Variants in NOX5 observed in about 807,000 individuals in gnomAD.
NOX5 encodes the protein NADPH oxidase, EF-hand calcium binding domain 5.
Under a neutral mutation model 85.7 loss-of-function variants are expected in NOX5, and 76 were observed. That is an observed-to-expected ratio of 0.89 (90% CI 0.74 to 1.07). The LOEUF is 1.07. Among genes scored for constraint, NOX5 ranks in the 50% least tolerant of loss-of-function variants. The pLI is 0.00. For synonymous variants in NOX5, 405 were observed against 401.4 expected, an observed-to-expected ratio of 1.01 and a Z score of -0.11; for missense variants, 973 against 999.5, an observed-to-expected ratio of 0.97 and a Z score of 0.36.
intron 10 of NOX5, among the ~76,000 whole-genome samples, chr15:69,044,328 A>G (rs1406010514): frequency 6.6e-6 from 1 of 152,262 alleles, no homozygotes; most frequent in South Asian, 2.1e-4. Context: ...CAACATAGGC[A>G]TAGTCACTGC....
rs375222699 is a variant in NOX5 at position 69,028,233 on chromosome 15, T to C, written c.193T>C (p.Phe65Leu). 14 of 1,609,668 alleles carry C rather than the reference T, an allele frequency of 8.7e-6. No individual in the cohort carries two copies. Among genetic ancestry groups the C allele is most frequent in the Non-Finnish European group, 1.2e-5 (14 of 1,178,004 alleles). Residue 65 changes from phenylalanine to leucine, a missense_variant, in exon 3 of 16, where the codon TTC becomes CTC. Phe to Leu is a conservative substitution (Grantham distance 22). Transcript: ENST00000388866. Reference sequence around the variant, plus strand: ...CCCACAGTCCTTCTTTGCAGAGCGATTCTTTGCCCTATTTGACTCCGATAG... The same window carrying C: ...CCCACAGTCCTTCTTTGCAGAGCGACTCTTTGCCCTATTTGACTCCGATAG... ...HVKESFFAER[F>L]FALFDSDRSG...
intron 1 of NOX5, among the ~76,000 whole-genome samples, chr15:69,021,728 T>G (rs1373094483): frequency 6.6e-6 from 1 of 152,234 alleles, no homozygotes; most frequent in Non-Finnish European, 1.5e-5. Context: ...AGTACTCTTG[T>G]ATTTCAGTAG....
At position 69,016,717 on chromosome 15, in the gene NOX5, C is replaced by T. The variant is rs375115942; in HGVS notation, c.50+1932C>T. The stretch of plus-strand genomic sequence containing the variant: ...ACTCTGCAAGGTGAGCTATCACTAA[C>T]GCTTTTAATAAATGAGGAAACTGAA... On this transcript the variant is annotated intron_variant, in intron 1 of 15. Coordinates refer to ENST00000388866, the MANE Select transcript of NOX5 (RefSeq NM_024505.4). 9.9e-5 allele frequency among the ~76,000 whole-genome samples: 15 copies of T among 152,222 alleles called. No homozygotes were observed. The East Asian group carries it at 1.9e-3, about 20-fold the overall frequency.
intron 9 of NOX5, among the ~76,000 whole-genome samples, chr15:69,040,813 G>C (rs2140269332): frequency 6.6e-6 from 1 of 152,138 alleles, no homozygotes; most frequent in Middle Eastern, 3.4e-3. Flanking sequence ...GAGTAGCTGG[G>C]ATTACAGGCA....
chr15:69,033,365 C>A, intron 5 of NOX5, 88 bp downstream of exon 5: 3 of 1,408,190 alleles, frequency 2.1e-6, no homozygotes, highest in African/African-American at 3.0e-5. Context: ...ACAGAGGACA[C>A]CTGGAATGCC....
At chr15:69,047,740 C>T in intron 12 of NOX5, 90 bp from the exon 13 acceptor site, 1 of 1,435,840 alleles carries the variant, frequency 7.0e-7, no homozygotes, top group South Asian at 1.2e-5. Flanking sequence ...TCTGCCACCC[C>T]ATCCTTGCTC....
rs138766415 is a variant in NOX5 at position 69,054,920 on chromosome 15, T to C, written c.2000-414T>C. On this transcript the variant is annotated intron_variant, in intron 14 of 15. Coordinates refer to ENST00000388866, the MANE Select transcript of NOX5 (RefSeq NM_024505.4). Reference sequence around the variant, plus strand: ...TCACTTCCCTGGGATGCATTTCTTCTTCTATAAATACAAAAAGTCTTGGCC... The same window carrying C: ...TCACTTCCCTGGGATGCATTTCTTCCTCTATAAATACAAAAAGTCTTGGCC... Among the ~76,000 whole-genome samples the C allele has an allele frequency of 2.5e-3, 377 of 152,276 alleles. 4 individuals are homozygous for C. Among genetic ancestry groups the C allele is most frequent in the African/African-American group, 8.9e-3 (369 of 41,560 alleles).
chr15:69,034,674 G>A (rs1258955426), intron 5 of NOX5, among the ~76,000 whole-genome samples: 1 of 152,216 alleles, frequency 6.6e-6, no homozygotes, highest in Non-Finnish European at 1.5e-5. Flanking sequence ...AAGGCACCTC[G>A]AGAACTAACA....
In NOX5 at chr15:69,028,352, G is replaced by A. The variant is rs766727997; in HGVS notation, c.312G>A (p.Val104=). Residue 104 remains valine (V), a synonymous_variant, in exon 3 of 16, where the codon GTG becomes GTA. Coordinates refer to ENST00000388866, the MANE Select transcript of NOX5 (RefSeq NM_024505.4). ...ACAAACTCAAATTCCTCTTCCAGGT[G>A]TATGACATCGATGGTAAGGGCTCTT... ...PMDKLKFLFQ[V]YDIDVCARQG... 1.2e-6 allele frequency: 2 copies of A among 1,604,842 alleles called. No homozygotes were observed. Among genetic ancestry groups the A allele is most frequent in the South Asian group, 1.1e-5 (1 of 89,464 alleles).
In NOX5 at chr15:69,047,516, T is replaced by A; in HGVS notation, c.1796T>A (p.Ile599Asn). The A allele has an allele frequency of 6.2e-7, 1 of 1,613,982 alleles. No individual in the cohort carries two copies. The highest frequency in any genetic ancestry group is 2.2e-5 in the East Asian group (1 of 44,870). ...AGIGITPFAS[I>N]LQSIMYRHQK... Reference sequence around the variant, plus strand: ...ATCGGCATCACCCCCTTTGCTTCCATTCTGCAGAGTATCATGTACAGGTGG... The same window carrying A: ...ATCGGCATCACCCCCTTTGCTTCCAATCTGCAGAGTATCATGTACAGGTGG... The change falls in exon 12 of 16, where the codon ATT becomes AAT. Residue 599 changes from isoleucine (I) to asparagine (N), a missense_variant. Coordinates refer to ENST00000388866, the MANE Select transcript of NOX5 (RefSeq NM_024505.4).
At chr15:69,048,919 G>A in intron 13 of NOX5, 40 bp from the exon 14 acceptor site, 2 of 1,505,650 alleles carry the variant, frequency 1.3e-6, no homozygotes, top group Non-Finnish European at 1.8e-6. Context: ...CTGCAAATCA[G>A]GGAGACCCAG....
In NOX5 at chr15:69,048,973, G is replaced by A. The variant is rs1390603839; in HGVS notation, c.1914G>A (p.Trp638Ter). 2 of 1,612,124 alleles carry A rather than the reference G, an allele frequency of 1.2e-6. No homozygotes were observed. Among genetic ancestry groups the A allele is most frequent in the Non-Finnish European group, 1.7e-6 (2 of 1,179,388 alleles). The change falls in exon 14 of 16, where the codon TGG becomes TGA. Residue 638 changes from tryptophan to a stop codon, truncating the protein, a stop_gained. Coordinates refer to ENST00000388866, the MANE Select transcript of NOX5 (RefSeq NM_024505.4). LOFTEE classifies it high-confidence loss of function. ...NMKLHKVDFI[W>*]INRDQRSFEW... ...TCTCTCCGTAGGTGGACTTTATCTG[G>A]ATCAACAGAGACCAGCGGTCTTTCG... is the stretch of plus-strand genomic sequence containing the variant.
chr15:69,034,062 C>T (rs146416837), intron 5 of NOX5, among the ~76,000 whole-genome samples: 3 of 152,234 alleles, frequency 2.0e-5, no homozygotes, highest in African/African-American at 4.8e-5. Flanking sequence ...TATGCATGCT[C>T]TATTATCATT....
At chr15:69,019,860 C>T (rs527549035) in intron 1 of NOX5, among the ~76,000 whole-genome samples, 22 of 152,302 alleles carry the variant, frequency 1.4e-4, no homozygotes, top group African/African-American at 5.3e-4. Flanking sequence ...CTCACCAGCA[C>T]TGTTTATATT....
intron 10 of NOX5, among the ~76,000 whole-genome samples, chr15:69,045,774 A>C (rs191246672): frequency 1.6e-3 from 239 of 152,160 alleles, no homozygotes; most frequent in African/African-American, 5.5e-3. Flanking sequence ...AAGATGCATT[A>C]GCCAGAATGG....
In NOX5 at chr15:69,042,660, C is replaced by T; in HGVS notation, c.1505-3C>T. On this transcript the variant is annotated splice_polypyrimidine_tract_variant and splice_region_variant and intron_variant, in intron 9 of 15. Coordinates refer to ENST00000388866, the MANE Select transcript of NOX5 (RefSeq NM_024505.4). ...TTTCCCCTCCCACTCTTCTCTTTCT[C>T]AGACACTATCTGGCTGCACATTCGG... 1 of 1,612,260 alleles carries T rather than the reference C, an allele frequency of 6.2e-7. No homozygotes were observed. The highest frequency in any genetic ancestry group is 8.5e-7 in the Non-Finnish European group (1 of 1,179,538).
chr15:69,056,675 A>G lies in NOX5; in HGVS notation c.2277A>G (p.Arg759=), dbSNP rs761576516. 3 of 1,613,650 alleles carry G rather than the reference A, an allele frequency of 1.9e-6. No homozygotes were observed. The South Asian group carries it at 3.3e-5, about 18-fold the overall frequency. The change falls in exon 16 of 16, where the codon AGA becomes AGG. Residue 759 remains arginine, a synonymous_variant. Transcript: ENST00000388866. ...LKGHCEKFGF[R]FFQENF The stretch of plus-strand genomic sequence containing the variant: ...GCCATTGTGAGAAGTTCGGCTTCAG[A>G]TTTTTCCAAGAGAATTTCTAGCCTC...
intron 5 of NOX5, among the ~76,000 whole-genome samples, chr15:69,033,995 C>T (rs2050478927): frequency 6.6e-6 from 1 of 152,040 alleles, no homozygotes; most frequent in East Asian, 1.9e-4. Flanking sequence ...CGCCTGACCT[C>T]TAAGAGTTTT....
rs539353484 is a variant in NOX5, at chr15:69,026,485, T to A, written c.51-43T>A. ...GACCACCATGAGACCTCATAAGGCT[T>A]TGGCCACCCCAAGCCCATAAACCTG... On this transcript the variant is annotated intron_variant, in intron 1 of 15. Coordinates refer to ENST00000388866, the MANE Select transcript of NOX5 (RefSeq NM_024505.4). 1.2e-4 allele frequency: 187 copies of A among 1,613,064 alleles called. No individual in the cohort carries two copies. The South Asian group carries it at 2.0e-3, about 17-fold the overall frequency.
Sources: allele counts gnomAD v4.1 joint callset (sites outside exome capture counted in the v4.1 genomes callset), GRCh38; gene constraint gnomAD v4.1.1; transcripts MANE v1.5; gene names NCBI Gene and HGNC (gene_info 2026-07-23, HGNC 2026-07-21).